The following LUZP2 variants were observed in gnomAD, a reference collection of about 807,000 sequenced individuals.
LUZP2 encodes the protein leucine zipper protein 2.
A neutral mutation model predicts 51.6 loss-of-function variants in LUZP2; 52 were observed. The observed-to-expected ratio is 1.01, with a 90% CI of 0.81 to 1.27. The LOEUF (loss-of-function observed/expected upper bound fraction) is 1.27, where lower values mean the gene tolerates loss of function less well. Among genes scored for constraint, LUZP2 ranks in the 50% most tolerant of loss-of-function variants. The pLI is 0.00. For missense variants in LUZP2, 436 were observed against 395.4 expected, an observed-to-expected ratio of 1.10 and a Z score of -0.87; for synonymous variants, 154 against 137.3, an observed-to-expected ratio of 1.12 and a Z score of -0.85.
At chr11:24,980,676 G>T (rs1856004134) in intron 8 of LUZP2, among the ~76,000 whole-genome samples, 1 of 151,700 alleles carries the variant, frequency 6.6e-6, no homozygotes, top group Admixed American at 6.6e-5. Context: ...AAGATATAAA[G>T]GTAGAAAATA....
chr11:24,723,628 C>A (rs1342536137), intron 1 of LUZP2, among the ~76,000 whole-genome samples: 1 of 151,990 alleles, frequency 6.6e-6, no homozygotes, highest in East Asian at 1.9e-4. Context: ...GAGTTCAAGA[C>A]CCTGCTGGGA....
At chr11:24,911,398 C>T (rs541731274) in intron 6 of LUZP2, among the ~76,000 whole-genome samples, 2 of 152,142 alleles carry the variant, frequency 1.3e-5, no homozygotes, top group Admixed American at 1.3e-4. Flanking sequence ...GATTTGTAAT[C>T]CCATAATCTC....
intron 7 of LUZP2, among the ~76,000 whole-genome samples, chr11:24,924,178 A>G (rs987411536): frequency 1.3e-5 from 2 of 151,754 alleles, no homozygotes; most frequent in East Asian, 2.0e-4. Flanking sequence ...CCCGCGTTCA[A>G]GTGACTCTCC....
In LUZP2 at chr11:25,050,551, A is replaced by G. The variant is rs533268576; in HGVS notation, c.858+421A>G. On this transcript the variant is annotated intron_variant, in intron 10 of 11. Transcript: ENST00000336930. Reference sequence around the variant, plus strand: ...GATCGCCTGACCTCGTGATCCGCCCACCTCGGCCTCCCAAAGGGCTGGGAT... The same window carrying G: ...GATCGCCTGACCTCGTGATCCGCCCGCCTCGGCCTCCCAAAGGGCTGGGAT... Among the ~76,000 whole-genome samples the G allele has an allele frequency of 1.9e-3, 296 of 151,886 alleles. 2 individuals carry two copies. Among genetic ancestry groups the G allele is most frequent in the African/African-American group, 6.9e-3 (284 of 41,448 alleles).
intron 1 of LUZP2, among the ~76,000 whole-genome samples, chr11:24,578,845 G>A (rs1473320048): frequency 6.6e-6 from 1 of 151,974 alleles, no homozygotes; most frequent in African/African-American, 2.4e-5. Flanking sequence ...TTTGGTGACT[G>A]GATCAATCAC....
At chr11:24,678,624 A>T (rs1309768150) in intron 1 of LUZP2, among the ~76,000 whole-genome samples, 1 of 152,178 alleles carries the variant, frequency 6.6e-6, no homozygotes, top group African/African-American at 2.4e-5. Flanking sequence ...TTTTAGACAT[A>T]ATTTACTTTT....
intron 5 of LUZP2, among the ~76,000 whole-genome samples, chr11:24,773,989 T>C (rs1848829413): frequency 6.6e-6 from 1 of 152,028 alleles, no homozygotes; most frequent in Non-Finnish European, 1.5e-5. Context: ...GATTGAAGGA[T>C]ACAAAGTATT....
chr11:24,973,063 T>TTA (rs901184517), intron 7 of LUZP2, among the ~76,000 whole-genome samples: 18 of 150,490 alleles, frequency 1.2e-4, no homozygotes, highest in African/African-American at 3.9e-4. Flanking sequence ...CCTGGGTTTT[T>TTA]TTTTTTTTTT....
intron 4 of LUZP2, among the ~76,000 whole-genome samples, chr11:24,741,279 C>T (rs989648484): frequency 2.0e-4 from 30 of 151,944 alleles, no homozygotes; most frequent in Non-Finnish European, 8.8e-5. Context: ...AGACATATTA[C>T]CTGTCTGTCA....
intron 7 of LUZP2, among the ~76,000 whole-genome samples, chr11:24,968,237 G>C (rs561505581): frequency 6.6e-6 from 1 of 151,972 alleles, no homozygotes. Context: ...AAAAACATTT[G>C]CTGTAAGTGA....
chr11:24,827,552 G>A (rs1428942086), intron 5 of LUZP2, among the ~76,000 whole-genome samples: 3 of 152,004 alleles, frequency 2.0e-5, no homozygotes, highest in African/African-American at 2.4e-5. Context: ...TACATTCAAA[G>A]GTCTTGAAAC....
rs147704880 is a variant in LUZP2, at chr11:24,732,123, A to G, written c.186A>G (p.Leu62=). 135 of 1,606,912 alleles carry G rather than the reference A, an allele frequency of 8.4e-5. No individual in the cohort carries two copies. Among genetic ancestry groups the G allele is most frequent in the Middle Eastern group, 5.0e-4 (3 of 6,028 alleles). Residue 62 remains leucine (L), a synonymous_variant, in exon 3 of 12, where the codon TTA becomes TTG. Transcript: ENST00000336930. Reference sequence around the variant, plus strand: ...TTTTCCACTTTTCTTATCAGTCCTTAAAAAACGATGAGCAGTCTGCCAAAA... The same window carrying G: ...TTTTCCACTTTTCTTATCAGTCCTTGAAAAACGATGAGCAGTCTGCCAAAA... ...LDGIKVNLQS[L]KNDEQSAKTD...
At chr11:24,563,713 G>A (rs1852128804) in intron 1 of LUZP2, among the ~76,000 whole-genome samples, 1 of 151,864 alleles carries the variant, frequency 6.6e-6, no homozygotes, top group African/African-American at 2.4e-5. Context: ...GAAAGTGGGA[G>A]AAGATGAGGA....
intron 1 of LUZP2, among the ~76,000 whole-genome samples, chr11:24,632,687 C>A (rs929783697): frequency 1.3e-5 from 2 of 151,998 alleles, no homozygotes; most frequent in Non-Finnish European, 2.9e-5. Flanking sequence ...CAAGTCCTCC[C>A]TAGCCTATGT....
intron 1 of LUZP2, among the ~76,000 whole-genome samples, chr11:24,721,204 G>A (rs1002540363): frequency 6.6e-6 from 1 of 152,136 alleles, no homozygotes; most frequent in Non-Finnish European, 1.5e-5. Context: ...TAGTAAATGT[G>A]GGAAGGGAGA....
intron 1 of LUZP2, among the ~76,000 whole-genome samples, chr11:24,502,502 GC>G (rs1850026603): frequency 6.7e-6 from 1 of 149,440 alleles, no homozygotes; most frequent in South Asian, 2.1e-4. Flanking sequence ...CTCTGCCTCA[GC>G]CTCCTGAGTA....
At chr11:24,829,412 C>T (rs1358427283) in intron 5 of LUZP2, among the ~76,000 whole-genome samples, 1 of 152,176 alleles carries the variant, frequency 6.6e-6, no homozygotes, top group Non-Finnish European at 1.5e-5. Flanking sequence ...TTTCTGCAAA[C>T]ACATAAACAC....
intron 4 of LUZP2, among the ~76,000 whole-genome samples, chr11:24,746,888 T>C (rs1012927722): frequency 6.6e-6 from 1 of 152,224 alleles, no homozygotes; most frequent in Admixed American, 6.5e-5. Context: ...GTATGTCCAA[T>C]GTTTCCTGAA....
At chr11:24,814,176 C>T (rs1179006491) in intron 5 of LUZP2, among the ~76,000 whole-genome samples, 1 of 152,216 alleles carries the variant, frequency 6.6e-6, no homozygotes, top group African/African-American at 2.4e-5. Context: ...TAATAACTTC[C>T]TCCTTTGCCC....
Sources: allele counts gnomAD v4.1 joint callset (sites outside exome capture counted in the v4.1 genomes callset), GRCh38; gene constraint gnomAD v4.1.1; transcripts MANE v1.5; gene names NCBI Gene and HGNC (gene_info 2026-07-23, HGNC 2026-07-21).